WNK1: variants seen among roughly 807,000 people sequenced by gnomAD.
WNK1 encodes the protein WNK lysine deficient protein kinase 1.
Under a neutral mutation model 222.8 loss-of-function variants are expected in WNK1, and 38 were observed. The ratio of observed to expected loss-of-function variants is 0.17; its 90% CI spans 0.13 to 0.22. The LOEUF (loss-of-function observed/expected upper bound fraction) is 0.22, where lower values mean the gene tolerates loss of function less well. WNK1 is among the 10% of genes least tolerant of loss of function. The probability of loss-of-function intolerance (pLI) is 1.00; values close to 1 mark genes in which losing one functional copy is unlikely to be tolerated. For missense variants in WNK1, 2,348 were observed against 2,918.4 expected (o/e 0.80, Z 4.50); for synonymous variants, 1,090 against 1,092.9 (o/e 1.00, Z 0.05).
At chr12:756,607 A>G (rs1940072911) in intron 1 of WNK1, among the ~76,000 whole-genome samples, 1 of 152,152 alleles carries the variant, frequency 6.6e-6, no homozygotes, top group Non-Finnish European at 1.5e-5. Flanking sequence ...TTGATTTTGA[A>G]AAGATTATCT....
rs372955308 is a variant in WNK1 at position 885,132 on chromosome 12, C to A, written c.4328C>A (p.Ser1443Tyr). The A allele has an allele frequency of 1.9e-6, 3 of 1,614,224 alleles. No individual in the cohort carries two copies. The highest frequency in any genetic ancestry group is 1.7e-6 in the Non-Finnish European group (2 of 1,180,038). The change falls in exon 19 of 28, where the codon TCT becomes TAT. Residue 1443 changes from serine (S) to tyrosine (Y), a missense_variant. Transcript: ENST00000315939. Reference sequence around the variant, plus strand: ...ACATCCACATCTGAGATCGTTGTTTCTAGTACAGCACTGTATCCTTCAGTA... The same window carrying A: ...ACATCCACATCTGAGATCGTTGTTTATAGTACAGCACTGTATCCTTCAGTA... ...VPTSTSEIVV[S>Y]STALYPSVTV...
At chr12:817,676 C>T (rs932164980) in intron 2 of WNK1, among the ~76,000 whole-genome samples, 3 of 152,176 alleles carry the variant, frequency 2.0e-5, no homozygotes, top group East Asian at 3.8e-4. Context: ...TGGTAGTTCA[C>T]ACCTGTAATC....
chr12:870,862 CA>C (rs1390140248), intron 8 of WNK1, among the ~76,000 whole-genome samples: 9 of 152,136 alleles, frequency 5.9e-5, no homozygotes, highest in African/African-American at 2.2e-4. Context: ...GAAGTATTAC[CA>C]AATTAGCATT....
intron 14 of WNK1, among the ~76,000 whole-genome samples, 175 bp downstream of exon 14, chr12:882,248 G>A (rs1953232663): frequency 6.6e-6 from 1 of 151,836 alleles, no homozygotes; most frequent in African/African-American, 2.4e-5. Flanking sequence ...CCAGGCTGGA[G>A]TGCAGTGGCA....
In WNK1 at chr12:879,785, C is replaced by T. The variant is rs1952983163; in HGVS notation, c.2586C>T (p.Pro862=). ...STAQTGFSSL[P]ITMAAGITQP... The stretch of plus-strand genomic sequence containing the variant: ...CTCAGACAGGTTTCTCATCCCTTCC[C>T]ATCACAATGGCAGCTGGCATTACTC... The change falls in exon 11 of 28, where the codon CCC becomes CCT. Residue 862 remains proline, a synonymous_variant. Coordinates refer to ENST00000315939, the MANE Select transcript of WNK1 (RefSeq NM_018979.4). 3.1e-6 allele frequency: 5 copies of T among 1,614,090 alleles called. No individual in the cohort carries two copies. Among genetic ancestry groups the T allele is most frequent in the Non-Finnish European group, 4.2e-6 (5 of 1,180,030 alleles).
At chr12:809,299 A>T (rs553185241) in intron 1 of WNK1, among the ~76,000 whole-genome samples, 1 of 150,688 alleles carries the variant, frequency 6.6e-6, no homozygotes, top group East Asian at 2.0e-4. Flanking sequence ...GATAGGTAAA[A>T]GTCTCCATGG....
intron 12 of WNK1, 147 bp downstream of exon 12, chr12:881,146 A>G: frequency 9.3e-7 from 1 of 1,070,052 alleles, no homozygotes; most frequent in East Asian, 2.6e-5. Context: ...TTCTTACAGC[A>G]GAATGAAATG....
intron 6 of WNK1, 75 bp from the exon 7 acceptor site, chr12:860,938 T>G (rs1951168333): frequency 2.2e-6 from 3 of 1,340,876 alleles, no homozygotes; most frequent in Non-Finnish European, 3.1e-6. Flanking sequence ...TTTTTTTTTT[T>G]TGGCGGGGGG....
intron 7 of WNK1, among the ~76,000 whole-genome samples, 166 bp downstream of exon 7, chr12:861,509 C>CT (rs1215660827): frequency 6.6e-6 from 1 of 151,916 alleles, no homozygotes; most frequent in Non-Finnish European, 1.5e-5. Context: ...ATATCTGTGA[C>CT]TAGGAGAATA....
At chr12:851,724 T>G in intron 4 of WNK1, 1 of 1,344,840 alleles carries the variant, frequency 7.4e-7, no homozygotes, top group Non-Finnish European at 9.8e-7. Flanking sequence ...TTTTGCTCAG[T>G]ATTTGTCATC....
At chr12:757,191 G>GA (rs1940183327) in intron 1 of WNK1, among the ~76,000 whole-genome samples, 2 of 151,636 alleles carry the variant, frequency 1.3e-5, no homozygotes, top group Non-Finnish European at 2.9e-5. Flanking sequence ...TTCAAATTGA[G>GA]ATATAAATAG....
chr12:818,851 AGTTT>A (rs1184899522), intron 2 of WNK1, among the ~76,000 whole-genome samples: 1 of 152,214 alleles, frequency 6.6e-6, no homozygotes, highest in Non-Finnish European at 1.5e-5. Flanking sequence ...GAAATATCAC[AGTTT>A]GTTTATTTAT....
Position 753,853 on chromosome 12 carries a change from C to T in WNK1, c.288C>T (p.Pro96=), listed in dbSNP as rs894778339. Residue 96 remains proline, a synonymous_variant, in exon 1 of 28, where the codon CCC becomes CCT. Coordinates refer to ENST00000315939, the MANE Select transcript of WNK1 (RefSeq NM_018979.4). The surrounding 1 kb of genome is among the most constrained non-coding windows in gnomAD (Gnocchi z 5.2). ...CCAATGCCACTGCACTGGAGCTTCC[C>T]GGCCTTCCTCTTTCCCTGCCCCAGC... ...CDSNATALEL[P]GLPLSLPQPS... is the part of the protein sequence containing the mutation. The T allele has an allele frequency of 2.5e-6, 4 of 1,612,592 alleles. No individual in the cohort carries two copies. The highest frequency in any genetic ancestry group is 1.6e-4 in the Middle Eastern group (1 of 6,062).
chr12:834,733 G>A (rs1239147279), intron 4 of WNK1, among the ~76,000 whole-genome samples: 4 of 152,128 alleles, frequency 2.6e-5, no homozygotes, highest in African/African-American at 9.7e-5. Context: ...TACTGGTACT[G>A]ATAGTAGGCT....
At chr12:886,276 C>T (rs1953642531) in intron 19 of WNK1, among the ~76,000 whole-genome samples, 192 bp downstream of exon 19, 1 of 151,664 alleles carries the variant, frequency 6.6e-6, no homozygotes, top group South Asian at 2.1e-4. Context: ...TCAAGTGTGG[C>T]AGGATTTTAG....
chr12:851,394 T>TA, intron 4 of WNK1: 1 of 1,083,586 alleles, frequency 9.2e-7, no homozygotes, highest in Non-Finnish European at 1.1e-6. Context: ...ATTGAGCAAG[T>TA]AAAAATCCCA....
chr12:871,878 C>CA (rs1952184144), intron 9 of WNK1, among the ~76,000 whole-genome samples: 1 of 152,122 alleles, frequency 6.6e-6, no homozygotes, highest in Non-Finnish European at 1.5e-5. Flanking sequence ...GCTGGGATTA[C>CA]AGGCATGCGC....
intron 4 of WNK1, among the ~76,000 whole-genome samples, chr12:849,261 A>C (rs944756173): frequency 6.6e-6 from 1 of 152,210 alleles, no homozygotes; most frequent in Non-Finnish European, 1.5e-5. Context: ...CCAAGCCATT[A>C]TCTTATGTAC....
At chr12:773,007 C>T (rs544283346) in intron 1 of WNK1, among the ~76,000 whole-genome samples, 1 of 152,066 alleles carries the variant, frequency 6.6e-6, no homozygotes, top group Non-Finnish European at 1.5e-5. Flanking sequence ...CACCTGTAAT[C>T]CAGCACTTTG....
Sources: gnomAD v4.1 joint callset for allele counts (sites outside exome capture counted in the v4.1 genomes callset) on GRCh38, gnomAD v4.1.1 for gene constraint, Gnocchi (gnomAD v3.1) non-coding constraint, MANE v1.5 for transcripts, NCBI Gene and HGNC (gene_info 2026-07-23, HGNC 2026-07-21) for gene names.